The following CLEC16A variants were observed in gnomAD, a reference collection of about 807,000 sequenced individuals.
CLEC16A encodes protein CLEC16A.
A neutral mutation model predicts 109.5 loss-of-function variants in CLEC16A; 51 were observed. That is an observed-to-expected ratio of 0.47 (90% CI 0.37 to 0.59). The LOEUF is 0.59. CLEC16A is among the 20% of genes least tolerant of loss of function. The probability of loss-of-function intolerance (pLI) is 0.00; values close to 1 mark genes in which losing one functional copy is unlikely to be tolerated. For synonymous variants in CLEC16A, 673 were observed against 564.2 expected, an observed-to-expected ratio of 1.19 and a Z score of -2.73; for missense variants, 1,339 against 1,394.0, an observed-to-expected ratio of 0.96 and a Z score of 0.63.
At chr16:10,979,198 C>T (rs2043183603) in intron 8 of CLEC16A, 131 bp from the exon 9 acceptor site, 2 of 724,980 alleles carry the variant, frequency 2.8e-6, no homozygotes, top group African/African-American at 1.8e-5. Flanking sequence ...AAAGGACAGC[C>T]CTAGGGCCGT....
chr16:11,051,743 C>G (rs573199909), intron 18 of CLEC16A, 102 bp downstream of exon 18: 24 of 1,441,206 alleles, frequency 1.7e-5, no homozygotes, highest in Non-Finnish European at 2.3e-5. Flanking sequence ...AGAGCCTGCC[C>G]TCAACACAGC....
intron 22 of CLEC16A, among the ~76,000 whole-genome samples, chr16:11,135,079 C>A (rs1489400794): frequency 6.6e-6 from 1 of 152,228 alleles, no homozygotes; most frequent in Non-Finnish European, 1.5e-5. Context: ...GAACAAAAAG[C>A]AGAAGGATGA....
chr16:11,044,372 G>A (rs535375276), intron 16 of CLEC16A: 11 of 265,876 alleles, frequency 4.1e-5, no homozygotes, highest in East Asian at 1.4e-4. Flanking sequence ...AACTACGTAC[G>A]TATAAACACA....
intron 22 of CLEC16A, among the ~76,000 whole-genome samples, chr16:11,152,827 G>T (rs1377370613): frequency 6.6e-6 from 1 of 152,162 alleles, no homozygotes; most frequent in Non-Finnish European, 1.5e-5. Flanking sequence ...TGTCAAAGGG[G>T]AAGAAAGTCC....
chr16:10,958,964 GT>G (rs1217136988), intron 2 of CLEC16A, among the ~76,000 whole-genome samples: 1 of 151,856 alleles, frequency 6.6e-6, no homozygotes, highest in Non-Finnish European at 1.5e-5. Context: ...CTGCCTTGAT[GT>G]CTTAGTGCAG....
chr16:10,979,231 C>A (rs116564899), intron 8 of CLEC16A, 98 bp from the exon 9 acceptor site: 40 of 1,069,786 alleles, frequency 3.7e-5, no homozygotes, highest in Admixed American at 1.3e-4. Context: ...TGGGACAGGA[C>A]GCCTTTGTTC....
At chr16:11,161,013 G>A (rs756883117) in intron 22 of CLEC16A, among the ~76,000 whole-genome samples, 2 of 152,200 alleles carry the variant, frequency 1.3e-5, no homozygotes, top group African/African-American at 2.4e-5. Context: ...TCTGGGTTCT[G>A]TAACTGCAAC....
intron 1 of CLEC16A, among the ~76,000 whole-genome samples, chr16:10,947,837 A>T (rs1380280763): frequency 6.6e-6 from 1 of 152,182 alleles, no homozygotes. Flanking sequence ...TAAGATAGTT[A>T]AAAGAATTAT....
chr16:11,148,320 A>G (rs1263328619), intron 22 of CLEC16A, among the ~76,000 whole-genome samples: 2 of 152,132 alleles, frequency 1.3e-5, no homozygotes, highest in African/African-American at 4.8e-5. Flanking sequence ...GCCACATGTT[A>G]TGTCTTGGAT....
At chr16:10,987,651 C>G (rs1174439918) in intron 10 of CLEC16A, among the ~76,000 whole-genome samples, 4 of 152,222 alleles carry the variant, frequency 2.6e-5, no homozygotes, top group African/African-American at 9.6e-5. Flanking sequence ...AATCTGATGA[C>G]TATCGTTCAG....
At chr16:11,005,442 G>C (rs530729286) in intron 11 of CLEC16A, among the ~76,000 whole-genome samples, 3 of 152,314 alleles carry the variant, frequency 2.0e-5, no homozygotes, top group Middle Eastern at 3.4e-3. Flanking sequence ...TGCTTGAACA[G>C]TTGGTGCTTC....
rs1274467870 is a variant in CLEC16A, at chr16:11,180,669, CTCTG to C, written c.*1985_*1988del. On this transcript the variant is annotated 3_prime_UTR_variant, in exon 24 of 24. Coordinates refer to ENST00000409790, the MANE Select transcript of CLEC16A (RefSeq NM_015226.3). ...ACATGCACTTCTGGTTTTGAAATGA[CTCTG>C]TCTGTGGGGCAGCAGAAACTAGAGA... is the stretch of plus-strand genomic sequence containing the variant. 3 of 152,308 alleles carry C rather than the reference CTCTG, an allele frequency of 2.0e-5. No individual in the cohort carries two copies. The highest frequency in any genetic ancestry group is 2.9e-5 in the Non-Finnish European group (2 of 68,106). The allele number at this position is 152,308 out of a possible 1,614,324, so 9.4% of individuals were successfully genotyped here. A position where few individuals can be genotyped will look rare whatever the true frequency, so the allele number is the denominator to read the frequency against.
At chr16:11,115,263 G>A (rs928977454) in intron 19 of CLEC16A, among the ~76,000 whole-genome samples, 2 of 150,490 alleles carry the variant, frequency 1.3e-5, no homozygotes, top group Non-Finnish European at 3.0e-5. Context: ...AAGGAGAGGA[G>A]GGGGAAGGAG....
intron 10 of CLEC16A, among the ~76,000 whole-genome samples, chr16:11,001,592 A>G (rs1322673199): frequency 6.6e-6 from 1 of 152,158 alleles, no homozygotes; most frequent in Non-Finnish European, 1.5e-5. Context: ...TGGGACTGAT[A>G]ATTCCTATAT....
At chr16:10,979,081 C>T (rs769596986) in intron 8 of CLEC16A, among the ~76,000 whole-genome samples, 7 of 152,084 alleles carry the variant, frequency 4.6e-5, no homozygotes, top group Non-Finnish European at 1.0e-4. Flanking sequence ...CGTGGGTCAG[C>T]CTCTCATCCG....
rs1359743657 is a variant in CLEC16A, at chr16:10,954,798, A to G, written c.81-2984A>G. Among the ~76,000 whole-genome samples the G allele has an allele frequency of 6.7e-6, 1 of 149,586 alleles. No homozygotes were observed. Among genetic ancestry groups the G allele is most frequent in the Non-Finnish European group, 1.5e-5 (1 of 67,330 alleles). ...GGTTTCGCTGAACCTTCCCATCACG[A>G]CTCCTGCCCTGAAGCCCTCTTTCCC... On this transcript the variant is annotated intron_variant, in intron 1 of 23. Coordinates refer to ENST00000409790, the MANE Select transcript of CLEC16A (RefSeq NM_015226.3). This position sits in a 1 kb window ranked among gnomAD's most constrained non-coding sequence, Gnocchi z 4.2.
chr16:11,139,603 G>T (rs986015744), intron 22 of CLEC16A, among the ~76,000 whole-genome samples: 1 of 152,188 alleles, frequency 6.6e-6, no homozygotes, highest in African/African-American at 2.4e-5. Flanking sequence ...AAACCCATCA[G>T]CCTGGCTGCT....
At chr16:11,037,636 T>C (rs554037559) in intron 13 of CLEC16A, among the ~76,000 whole-genome samples, 1 of 152,262 alleles carries the variant, frequency 6.6e-6, no homozygotes, top group East Asian at 1.9e-4. Flanking sequence ...TTTGCCTCTT[T>C]CCATGGTTCT....
At chr16:11,052,182 G>A (rs2047982503) in intron 18 of CLEC16A, among the ~76,000 whole-genome samples, 1 of 152,124 alleles carries the variant, frequency 6.6e-6, no homozygotes, top group Admixed American at 6.5e-5. Flanking sequence ...TTTTTCCGAA[G>A]CAGGTACTCT....
Sources: allele counts gnomAD v4.1 joint callset (sites outside exome capture counted in the v4.1 genomes callset), GRCh38; gene constraint gnomAD v4.1.1; non-coding constraint Gnocchi (gnomAD v3.1); transcripts MANE v1.5; gene names NCBI Gene and HGNC (gene_info 2026-07-23, HGNC 2026-07-21).